The following GDAP1 variants were observed in gnomAD, a reference collection of about 807,000 sequenced individuals.
The protein encoded by GDAP1 is ganglioside induced differentiation associated protein 1, also known as ganglioside-induced differentiation-associated protein 1.
GDAP1 carries 34 observed loss-of-function variants against 40.1 expected under a neutral mutation model. That is an observed-to-expected ratio of 0.85 (90% CI 0.64 to 1.13). The LOEUF (loss-of-function observed/expected upper bound fraction) is 1.13, where lower values mean the gene tolerates loss of function less well. GDAP1 is among the 50% of genes most tolerant of loss of function. GDAP1 has a pLI of 0.00. For synonymous variants in GDAP1, 170 were observed against 157.4 expected (o/e 1.08, Z -0.60); for missense variants, 374 against 433.7 (o/e 0.86, Z 1.22).
chr8:74,432,191 GCAGGGA>G (rs1456020928), intron 2 of GDAP1, among the ~76,000 whole-genome samples: 1 of 152,172 alleles, frequency 6.6e-6, no homozygotes, highest in Admixed American at 6.5e-5. Flanking sequence ...TCACAGGAAA[GCAGGGA>G]CCCTGGTGGG....
chr8:74,463,879 G>T (rs1204067310), intron 2 of GDAP1, among the ~76,000 whole-genome samples: 1 of 152,028 alleles, frequency 6.6e-6, no homozygotes, highest in African/African-American at 2.4e-5. Context: ...CAATACAAAT[G>T]ACTACATGAT....
At chr8:74,420,065 A>G (rs151065677) in intron 2 of GDAP1, among the ~76,000 whole-genome samples, 1 of 152,248 alleles carries the variant, frequency 6.6e-6, no homozygotes, top group East Asian at 1.9e-4. Flanking sequence ...GTAGTTTTGC[A>G]GTAGGTTTTG....
chr8:74,459,845 C>A (rs547013059), intron 2 of GDAP1, among the ~76,000 whole-genome samples: 5 of 152,220 alleles, frequency 3.3e-5, no homozygotes, highest in Non-Finnish European at 7.4e-5. Context: ...TTAAGGCATG[C>A]GCAGGAGCTA....
intron 2 of GDAP1, among the ~76,000 whole-genome samples, chr8:74,478,735 A>G (rs2128721349): frequency 6.6e-6 from 1 of 152,300 alleles, no homozygotes; most frequent in East Asian, 1.9e-4. Context: ...GCTCCGCACC[A>G]GCTGGAGTTC....
intron 2 of GDAP1, among the ~76,000 whole-genome samples, chr8:74,474,976 G>T (rs1806607246): frequency 6.6e-6 from 1 of 151,934 alleles, no homozygotes; most frequent in African/African-American, 2.4e-5. Flanking sequence ...GCTCATTGTT[G>T]GTCTGTTCAG....
chr8:74,388,311 C>T (rs756939245), intron 2 of GDAP1, among the ~76,000 whole-genome samples: 8 of 152,076 alleles, frequency 5.3e-5, no homozygotes, highest in Admixed American at 1.3e-4. Flanking sequence ...CTAATGTGGG[C>T]GTTTAGTGCT....
intron 2 of GDAP1, among the ~76,000 whole-genome samples, chr8:74,464,099 A>C (rs1475261674): frequency 6.6e-6 from 1 of 152,224 alleles, no homozygotes; most frequent in Non-Finnish European, 1.5e-5. Flanking sequence ...TGGGATTTTA[A>C]AGGACAAATC....
intron 2 of GDAP1, among the ~76,000 whole-genome samples, chr8:74,428,227 T>TAAC (rs112829936): frequency 5.3e-5 from 8 of 151,366 alleles, no homozygotes; most frequent in East Asian, 3.9e-4. Context: ...ACCCCATTGC[T>TAAC]AACAACAACA....
intron 2 of GDAP1, among the ~76,000 whole-genome samples, chr8:74,401,074 T>A (rs1416048307): frequency 6.7e-6 from 1 of 149,276 alleles, no homozygotes; most frequent in Non-Finnish European, 1.5e-5. Flanking sequence ...GCGTTCTCTG[T>A]ATTTCCTGAA....
chr8:74,478,391 G>A (rs1173971160), intron 2 of GDAP1, among the ~76,000 whole-genome samples: 1 of 152,022 alleles, frequency 6.6e-6, no homozygotes, highest in Non-Finnish European at 1.5e-5. Flanking sequence ...GGAGGGCGTG[G>A]GTAGGCTGGT....
intron 2 of GDAP1, among the ~76,000 whole-genome samples, chr8:74,426,209 T>C (rs1367122618): frequency 2.6e-5 from 4 of 152,216 alleles, no homozygotes; most frequent in Admixed American, 2.6e-4. Flanking sequence ...GGTTTCCATA[T>C]ACCTTTTAAC....
At chr8:74,465,781 T>G (rs1356594801) in intron 2 of GDAP1, among the ~76,000 whole-genome samples, 1 of 152,030 alleles carries the variant, frequency 6.6e-6, no homozygotes, top group Admixed American at 6.6e-5. Context: ...CACCAAGTTT[T>G]TTTTTTTTTT....
At chr8:74,465,225 A>T (rs1806454085) in intron 2 of GDAP1, among the ~76,000 whole-genome samples, 1 of 152,126 alleles carries the variant, frequency 6.6e-6, no homozygotes, top group South Asian at 2.1e-4. Context: ...CTCTCCAAAA[A>T]TAAATAAATA....
At chr8:74,370,889 A>G (rs1448871077), downstream of GDAP1, among the ~76,000 whole-genome samples, 1 of 152,260 alleles carries the variant, frequency 6.6e-6, no homozygotes, top group Non-Finnish European at 1.5e-5. Context: ...AAAGAGGGAC[A>G]TTTATGAATC....
At position 74,400,954 on chromosome 8, in the gene GDAP1, A is replaced by C. The variant is rs1012788841; in HGVS notation, c.165+49633A>C. On this transcript the variant is annotated intron_variant, in intron 2 of 2. Coordinates refer to the GDAP1 transcript ENST00000523640. Reference sequence around the variant, plus strand: ...GTCTGATGGGCTTCCCTTTGTGGGTAACCTGACCTTTCTCTCTTGCTGCCC... The same window carrying C: ...GTCTGATGGGCTTCCCTTTGTGGGTCACCTGACCTTTCTCTCTTGCTGCCC... Among the ~76,000 whole-genome samples, 6 of 149,856 alleles carry C rather than the reference A, an allele frequency of 4.0e-5. 1 individual carries two copies. The highest frequency in any genetic ancestry group is 1.5e-4 in the African/African-American group (6 of 39,178).
chr8:74,363,989 G>A lies in GDAP1; in HGVS notation c.699G>A (p.Glu233=). 1 of 1,613,964 alleles carries A rather than the reference G, an allele frequency of 6.2e-7. No individual in the cohort carries two copies. The highest frequency in any genetic ancestry group is 8.5e-7 in the Non-Finnish European group (1 of 1,179,856). Residue 233 remains glutamate (E), a synonymous_variant, in exon 6 of 6, where the codon GAG becomes GAA. Coordinates refer to ENST00000220822, the MANE Select transcript of GDAP1 (RefSeq NM_018972.4). ...LQRRNEETPE[E]GQQPWLCGES... ...TATGTCCCTTTCTCTAATTAGAAGA[G>A]GGCCAGCAACCTTGGCTCTGCGGTG... is the stretch of plus-strand genomic sequence containing the variant.
chr8:74,369,189 T>C (rs1809708061), downstream of GDAP1, among the ~76,000 whole-genome samples: 2 of 152,118 alleles, frequency 1.3e-5, no homozygotes, highest in African/African-American at 4.8e-5. Flanking sequence ...TCAGAGAGAA[T>C]ATAACAAAAT....
At chr8:74,367,353 C>A (rs1809677240), downstream of GDAP1, among the ~76,000 whole-genome samples, 1 of 152,118 alleles carries the variant, frequency 6.6e-6, no homozygotes. Context: ...GTAAGCTTAG[C>A]CATTCTAATC....
At chr8:74,483,792 A>G (rs565253679) in intron 2 of GDAP1, among the ~76,000 whole-genome samples, 19 of 152,280 alleles carry the variant, frequency 1.2e-4, no homozygotes, top group African/African-American at 4.6e-4. Flanking sequence ...GAGAAGTTGG[A>G]GGGCTAACTC....
Sources: gnomAD v4.1 joint callset for allele counts (sites outside exome capture counted in the v4.1 genomes callset) on GRCh38, gnomAD v4.1.1 for gene constraint, MANE v1.5 for transcripts, NCBI Gene and HGNC (gene_info 2026-07-23, HGNC 2026-07-21) for gene names.